The following STK32B variants were observed in gnomAD, a reference collection of about 807,000 sequenced individuals.
STK32B encodes the protein serine/threonine kinase 32B.
STK32B carries 43 observed loss-of-function variants against 52.6 expected under a neutral mutation model. That is an observed-to-expected ratio of 0.82 (90% CI 0.64 to 1.05). The LOEUF is 1.05. Ranked by LOEUF, STK32B falls within the 50% of genes least tolerant of loss-of-function variation. STK32B has a pLI of 0.00. For missense variants in STK32B, 621 were observed against 534.6 expected (o/e 1.16, Z -1.59); for synonymous variants, 238 against 204.3 (o/e 1.17, Z -1.41).
At chr4:5,393,841 C>T (rs1198709697) in intron 4 of STK32B, among the ~76,000 whole-genome samples, 2 of 152,180 alleles carry the variant, frequency 1.3e-5, no homozygotes, top group African/African-American at 4.8e-5. Flanking sequence ...GCATGGCCAG[C>T]AAGAGGCAGA....
chr4:5,051,775 C>A lies in STK32B; in HGVS notation c.-89C>A. 1 of 1,531,496 alleles carries A rather than the reference C, an allele frequency of 6.5e-7. No individual in the cohort carries two copies. Among genetic ancestry groups the A allele is most frequent in the Non-Finnish European group, 8.8e-7 (1 of 1,135,150 alleles). The allele number at this position is 1,531,496 out of a possible 1,614,324, so 94.9% of individuals were successfully genotyped here. A position where few individuals can be genotyped will look rare whatever the true frequency, so the allele number is the denominator to read the frequency against. ...GGCTACAACCCGGACTGGGCGCGCC[C>A]CCGGCATCCCGCATCTCTGCGCGCG... On this transcript the variant is annotated 5_prime_UTR_variant, in exon 1 of 12. Transcript: ENST00000282908.
chr4:5,447,576 C>T (rs532294579), intron 7 of STK32B, among the ~76,000 whole-genome samples: 37 of 152,294 alleles, frequency 2.4e-4, no homozygotes, highest in African/African-American at 7.9e-4. Context: ...GTCAAGGCTG[C>T]AGTGAGCCAT....
At chr4:5,069,193 T>C (rs887909160) in intron 1 of STK32B, among the ~76,000 whole-genome samples, 9 of 73,104 alleles carry the variant, frequency 1.2e-4, no homozygotes, top group South Asian at 6.9e-4. Context: ...AGGTTCTCTT[T>C]TTTTTTTTTT....
intron 1 of STK32B, among the ~76,000 whole-genome samples, chr4:5,100,431 C>G (rs550190778): frequency 7.4e-6 from 1 of 135,150 alleles, no homozygotes; most frequent in Non-Finnish European, 1.6e-5. Context: ...CCTTCCTTCC[C>G]TCCTTCCTCC....
chr4:5,241,843 C>T (rs574512124), intron 3 of STK32B, among the ~76,000 whole-genome samples: 52 of 152,146 alleles, frequency 3.4e-4, no homozygotes, highest in Non-Finnish European at 5.3e-4. Context: ...TTTTTGTCCT[C>T]GCGATAGTTT....
At position 5,460,824 on chromosome 4, in the gene STK32B, G is replaced by C. The variant is rs949419928; in HGVS notation, c.909+596G>C. Among the ~76,000 whole-genome samples the C allele has an allele frequency of 6.6e-6, 1 of 152,200 alleles. No homozygotes were observed. Among genetic ancestry groups the C allele is most frequent in the East Asian group, 1.9e-4 (1 of 5,196 alleles). Reference sequence around the variant, plus strand: ...ATAGCATTTAAGGGAATAAACCAGAGGGAATATAATAGGAAATGGGGCCAG... The same window carrying C: ...ATAGCATTTAAGGGAATAAACCAGACGGAATATAATAGGAAATGGGGCCAG... On this transcript the variant is annotated intron_variant, in intron 9 of 11. Transcript: ENST00000282908. The surrounding 1 kb of genome is among the most constrained non-coding windows in gnomAD (Gnocchi z 4.8).
chr4:5,039,755 G>A, the STK32B span, among the ~76,000 whole-genome samples: 1 of 152,204 alleles, frequency 6.6e-6, no homozygotes, highest in Non-Finnish European at 1.5e-5. Context: ...CGTGAGGAAT[G>A]CATTGTGCTA....
intron 2 of STK32B, among the ~76,000 whole-genome samples, chr4:5,167,476 G>A (rs968570296): frequency 6.6e-6 from 1 of 152,080 alleles, no homozygotes; most frequent in African/African-American, 2.4e-5. Flanking sequence ...CAGAACCCAT[G>A]TGCCTGAGTT....
intron 3 of STK32B, among the ~76,000 whole-genome samples, chr4:5,191,274 A>G (rs906724936): frequency 1.7e-4 from 26 of 148,690 alleles, no homozygotes; most frequent in Non-Finnish European, 3.0e-5. Flanking sequence ...TTTTTGAGAC[A>G]GAGTCTCGCT....
intron 3 of STK32B, among the ~76,000 whole-genome samples, chr4:5,217,897 C>T (rs1191390315): frequency 2.6e-5 from 4 of 152,178 alleles, no homozygotes; most frequent in Non-Finnish European, 5.9e-5. Context: ...ATAGTGTTCT[C>T]ATGCGGTGAA....
intron 3 of STK32B, among the ~76,000 whole-genome samples, chr4:5,232,585 G>A (rs1017623836): frequency 6.6e-6 from 1 of 152,222 alleles, no homozygotes; most frequent in South Asian, 2.1e-4. Context: ...GACATGGGAT[G>A]TACTGCACCT....
intron 2 of STK32B, among the ~76,000 whole-genome samples, chr4:5,156,100 T>A (rs1717810275): frequency 6.6e-6 from 1 of 151,750 alleles, no homozygotes; most frequent in Non-Finnish European, 1.5e-5. Context: ...TGCATATACA[T>A]ATATACACTC....
intron 1 of STK32B, among the ~76,000 whole-genome samples, chr4:5,138,443 T>G (rs1560171277): frequency 6.6e-6 from 1 of 152,208 alleles, no homozygotes; most frequent in Non-Finnish European, 1.5e-5. Flanking sequence ...TGGCTGTAAT[T>G]CAATCTAATT....
chr4:5,341,658 A>G (rs1177252735), intron 4 of STK32B, among the ~76,000 whole-genome samples: 5 of 152,180 alleles, frequency 3.3e-5, no homozygotes, highest in African/African-American at 1.2e-4. Context: ...TTTATAAAGA[A>G]AAGAAGTTTA....
intron 4 of STK32B, among the ~76,000 whole-genome samples, chr4:5,367,611 G>A (rs962012377): frequency 1.3e-5 from 2 of 152,182 alleles, no homozygotes; most frequent in Non-Finnish European, 2.9e-5. Flanking sequence ...ACCCAGTCAA[G>A]CCACCCATAG....
chr4:5,064,373 CAT>C (rs201409805), intron 1 of STK32B, among the ~76,000 whole-genome samples: 1,134 of 92,946 alleles, frequency 0.012, 12 homozygotes, highest in Middle Eastern at 0.039. Context: ...TACTTATATA[CAT>C]ATATAATATA....
At chr4:5,073,500 T>A (rs1187135777) in intron 1 of STK32B, among the ~76,000 whole-genome samples, 3 of 152,012 alleles carry the variant, frequency 2.0e-5, no homozygotes, top group African/African-American at 7.2e-5. Context: ...TATTTTTTCT[T>A]TAAGTACCAG....
At chr4:5,105,810 G>T (rs868592825) in intron 1 of STK32B, among the ~76,000 whole-genome samples, 10 of 151,798 alleles carry the variant, frequency 6.6e-5, no homozygotes, top group South Asian at 6.3e-4. Context: ...TGATCCACCC[G>T]CCTCGGCCAC....
chr4:5,251,360 T>A (rs1482322122), intron 3 of STK32B, among the ~76,000 whole-genome samples: 1 of 152,128 alleles, frequency 6.6e-6, no homozygotes, highest in Non-Finnish European at 1.5e-5. Flanking sequence ...TTACTGCTTG[T>A]TTTTGTTGAC....
Sources: allele counts gnomAD v4.1 joint callset (sites outside exome capture counted in the v4.1 genomes callset), GRCh38; gene constraint gnomAD v4.1.1; non-coding constraint Gnocchi (gnomAD v3.1); transcripts MANE v1.5; gene names NCBI Gene and HGNC (gene_info 2026-07-23, HGNC 2026-07-21).